TSHZ2: variants seen among roughly 807,000 people sequenced by gnomAD.
TSHZ2 encodes the protein teashirt homolog 2.
In TSHZ2, 21 loss-of-function variants were observed where a neutral mutation model predicts 74.4. That is an observed-to-expected ratio of 0.28 (90% CI 0.20 to 0.41). The LOEUF (loss-of-function observed/expected upper bound fraction) is 0.41, where lower values mean the gene tolerates loss of function less well. TSHZ2 is among the 10% of genes least tolerant of loss of function. The pLI is 1.00. For synonymous variants in TSHZ2, 540 were observed against 515.3 expected (o/e 1.05, Z -0.65); for missense variants, 1,244 against 1,293.5 (o/e 0.96, Z 0.59).
At chr20:53,040,974 T>C (rs1984020327) in intron 1 of TSHZ2, among the ~76,000 whole-genome samples, 1 of 152,188 alleles carries the variant, frequency 6.6e-6, no homozygotes, top group Non-Finnish European at 1.5e-5. Flanking sequence ...TCTCCTGGCA[T>C]TGTCAGTCAG....
chr20:52,991,739 GA>G (rs565492202), intron 1 of TSHZ2, among the ~76,000 whole-genome samples: 1 of 135,538 alleles, frequency 7.4e-6, no homozygotes, highest in Non-Finnish European at 1.6e-5. Flanking sequence ...CAGAGAGTGT[GA>G]AAAGCTTTTC....
At chr20:53,388,061 A>G (rs1982112052) in intron 2 of TSHZ2, among the ~76,000 whole-genome samples, 1 of 152,010 alleles carries the variant, frequency 6.6e-6, no homozygotes, top group Admixed American at 6.6e-5. Context: ...CAAAAAAAAA[A>G]AAAAAGGATA....
intron 2 of TSHZ2, among the ~76,000 whole-genome samples, chr20:53,260,073 CCTT>C (rs1568841032): frequency 7.4e-5 from 7 of 95,084 alleles, no homozygotes; most frequent in African/African-American, 3.2e-4. Flanking sequence ...TTTCTTCTTT[CCTT>C]CCTTCTTTTC....
chr20:53,166,226 T>G (rs944004256), intron 1 of TSHZ2, among the ~76,000 whole-genome samples: 1 of 152,182 alleles, frequency 6.6e-6, no homozygotes, highest in Non-Finnish European at 1.5e-5. Context: ...ACATATTCTA[T>G]TAATCAAGTT....
intron 1 of TSHZ2, among the ~76,000 whole-genome samples, chr20:53,029,406 T>G (rs923289194): frequency 6.6e-6 from 1 of 152,242 alleles, no homozygotes; most frequent in African/African-American, 2.4e-5. Flanking sequence ...CTAGGCGCAG[T>G]GGCTCACACC....
At chr20:53,138,725 C>T (rs2123407518) in intron 1 of TSHZ2, among the ~76,000 whole-genome samples, 1 of 152,300 alleles carries the variant, frequency 6.6e-6, no homozygotes, top group South Asian at 2.1e-4. Flanking sequence ...GTGGAATTCA[C>T]CAGGCCTCTG....
intron 1 of TSHZ2, among the ~76,000 whole-genome samples, chr20:53,069,680 C>G (rs1328550038): frequency 8.6e-6 from 1 of 116,608 alleles, no homozygotes; most frequent in Non-Finnish European, 1.9e-5. Flanking sequence ...CACACACACA[C>G]ACACACACAC....
At chr20:53,100,668 A>T (rs191110138) in intron 1 of TSHZ2, among the ~76,000 whole-genome samples, 1 of 152,198 alleles carries the variant, frequency 6.6e-6, no homozygotes, top group Non-Finnish European at 1.5e-5. Flanking sequence ...AGCCCATCAA[A>T]CCTTTTTGCC....
chr20:53,207,221 G>A (rs1989189639), intron 1 of TSHZ2, among the ~76,000 whole-genome samples: 1 of 152,138 alleles, frequency 6.6e-6, no homozygotes, highest in Admixed American at 6.5e-5. Context: ...CCCTAGTAAA[G>A]GCAGTGAGAA....
At chr20:53,340,284 G>A (rs777184289) in intron 2 of TSHZ2, among the ~76,000 whole-genome samples, 11 of 138,292 alleles carry the variant, frequency 8.0e-5, no homozygotes, top group East Asian at 2.3e-4. Flanking sequence ...CCAAGTTCAC[G>A]TCATTCTCCT....
At chr20:53,222,179 T>C (rs764447445) in intron 1 of TSHZ2, among the ~76,000 whole-genome samples, 1 of 152,158 alleles carries the variant, frequency 6.6e-6, no homozygotes, top group Non-Finnish European at 1.5e-5. Context: ...TTCCCAGCAG[T>C]CCACTCTACC....
At chr20:53,262,657 G>C (rs532681105) in intron 2 of TSHZ2, among the ~76,000 whole-genome samples, 93 of 152,270 alleles carry the variant, frequency 6.1e-4, no homozygotes, top group African/African-American at 2.1e-3. Context: ...ATGATGCCAC[G>C]CCCTGCAAGA....
chr20:52,973,013 G>GA lies in TSHZ2; in HGVS notation c.-273dup, dbSNP rs112400195. 0.08 allele frequency: 31,566 copies of GA among 393,310 alleles called. 1,718 individuals are homozygous for GA. The highest frequency in any genetic ancestry group is 0.17 in the African/African-American group (8,210 of 47,732). 24.4% of individuals were successfully genotyped at this position (393,310 alleles called of 1,614,324 possible). On this transcript the variant is annotated 5_prime_UTR_variant, in exon 1 of 3. The change creates a premature stop within an existing upstream ORF in the 5' untranslated region. Transcript: ENST00000371497. ...AAAAGCAAAAACAAAAAAGAGAGAG[G>GA]AAAAAAAATTCAAAATAAACAAACA...
intron 1 of TSHZ2, among the ~76,000 whole-genome samples, chr20:53,138,642 T>C (rs1363325358): frequency 6.6e-6 from 1 of 152,214 alleles, no homozygotes; most frequent in African/African-American, 2.4e-5. Flanking sequence ...TTCTACCTGA[T>C]GGACTTCTAT....
intron 2 of TSHZ2, among the ~76,000 whole-genome samples, chr20:53,355,085 C>T (rs760142224): frequency 6.6e-6 from 1 of 152,102 alleles, no homozygotes; most frequent in Non-Finnish European, 1.5e-5. Flanking sequence ...CTAGAGTATA[C>T]CCAACACTGA....
intron 1 of TSHZ2, among the ~76,000 whole-genome samples, chr20:53,046,363 G>A (rs1984229040): frequency 6.6e-6 from 1 of 152,112 alleles, no homozygotes; most frequent in African/African-American, 2.4e-5. Context: ...TTTCATCCAG[G>A]GCACTCGATG....
In TSHZ2 at chr20:53,251,454, G is replaced by A. The variant is rs190019360; in HGVS notation, c.41-2045G>A. Among the ~76,000 whole-genome samples the A allele has an allele frequency of 3.3e-5, 5 of 152,276 alleles. No individual in the cohort carries two copies. In the East Asian group the frequency reaches 5.8e-4, roughly 18 times the overall value. On this transcript the variant is annotated intron_variant, in intron 1 of 2. Transcript: ENST00000371497. ...AGGAAAAAGGAAATGGGATGATACCGACAGGAATAATCTAATTCGGCCATA... is the reference window on the plus strand; with the variant it reads ...AGGAAAAAGGAAATGGGATGATACCAACAGGAATAATCTAATTCGGCCATA...
chr20:53,079,291 C>T (rs935290128), intron 1 of TSHZ2, among the ~76,000 whole-genome samples: 3 of 152,036 alleles, frequency 2.0e-5, no homozygotes, highest in African/African-American at 7.3e-5. Flanking sequence ...TCACAGTAGA[C>T]CAATGGGAGG....
intron 1 of TSHZ2, among the ~76,000 whole-genome samples, chr20:53,182,156 T>TCTTCCTTTTCTTTCTTC (rs1568799137): frequency 1.4e-5 from 2 of 138,774 alleles, no homozygotes; most frequent in African/African-American, 2.7e-5. Flanking sequence ...TCCCTCCCTC[T>TCTTCCTTTTCTTTCTTC]CTTCCTTTTC....
Sources: allele counts gnomAD v4.1 joint callset (sites outside exome capture counted in the v4.1 genomes callset), GRCh38; gene constraint gnomAD v4.1.1; transcripts MANE v1.5; gene names NCBI Gene and HGNC (gene_info 2026-07-23, HGNC 2026-07-21).